Variants in ARMH3 observed in about 807,000 individuals in gnomAD.
The protein encoded by ARMH3 is armadillo like helical domain containing 3.
A neutral mutation model predicts 99.1 loss-of-function variants in ARMH3; 60 were observed. The ratio of observed to expected loss-of-function variants is 0.61; its 90% CI spans 0.49 to 0.75. The LOEUF (loss-of-function observed/expected upper bound fraction) is 0.75, where lower values mean the gene tolerates loss of function less well. Among genes scored for constraint, ARMH3 ranks in the 30% least tolerant of loss-of-function variants. The pLI is 0.00. For missense variants in ARMH3, 679 were observed against 843.1 expected, an observed-to-expected ratio of 0.81 and a Z score of 2.41; for synonymous variants, 285 against 292.8, an observed-to-expected ratio of 0.97 and a Z score of 0.27.
chr10:101,873,145 T>A (rs2135375287), intron 24 of ARMH3, among the ~76,000 whole-genome samples: 1 of 151,686 alleles, frequency 6.6e-6, no homozygotes, highest in South Asian at 2.1e-4. Context: ...GGCTCACGTC[T>A]GTAATCCCAG....
chr10:101,877,217 T>C (rs1458166826), intron 24 of ARMH3, among the ~76,000 whole-genome samples: 4 of 152,114 alleles, frequency 2.6e-5, no homozygotes, highest in South Asian at 2.1e-4. Flanking sequence ...GCAGGAGGAC[T>C]GCTTGAGTCC....
At chr10:101,925,038 G>A (rs1428041954) in intron 23 of ARMH3, among the ~76,000 whole-genome samples, 1 of 152,034 alleles carries the variant, frequency 6.6e-6, no homozygotes, top group African/African-American at 2.4e-5. Flanking sequence ...AAAATAAAAA[G>A]CAGCACCACA....
chr10:101,847,724 A>G lies in ARMH3; in HGVS notation c.1978-104T>C, dbSNP rs550002607. ...GACAGTGCCTGCTACACGGGGCACT[A>G]GAAGTCTCTCTCTTAGGAAATGAAC... On this transcript the variant is annotated intron_variant, in intron 25 of 25. Coordinates refer to ENST00000370033, the MANE Select transcript of ARMH3 (RefSeq NM_024541.3). 57 of 1,003,640 alleles carry G rather than the reference A, an allele frequency of 5.7e-5. 1 individual carries two copies. In the South Asian group the frequency reaches 6.7e-4, roughly 12 times the overall value. The allele number at this position is 1,003,640 out of a possible 1,614,324, so 62.2% of individuals were successfully genotyped here. A position where few individuals can be genotyped will look rare whatever the true frequency, so the allele number is the denominator to read the frequency against.
chr10:101,904,260 G>A (rs187797882), intron 23 of ARMH3, among the ~76,000 whole-genome samples: 103 of 152,288 alleles, frequency 6.8e-4, no homozygotes, highest in African/African-American at 2.5e-3. Flanking sequence ...CGAAGAGCCT[G>A]AGCAAACACC....
At chr10:101,852,630 T>G (rs956793886) in intron 24 of ARMH3, among the ~76,000 whole-genome samples, 1 of 151,878 alleles carries the variant, frequency 6.6e-6, no homozygotes, top group African/African-American at 2.4e-5. Flanking sequence ...GCACCTATAA[T>G]CCCAGCAACT....
intron 24 of ARMH3, among the ~76,000 whole-genome samples, chr10:101,868,410 T>C (rs1161655065): frequency 6.6e-6 from 1 of 152,300 alleles, no homozygotes; most frequent in Non-Finnish European, 1.5e-5. Context: ...TATAGCAACA[T>C]TTTTCAGAGA....
chr10:101,858,005 T>C (rs1489621534), intron 24 of ARMH3, among the ~76,000 whole-genome samples: 3 of 152,250 alleles, frequency 2.0e-5, no homozygotes, highest in Non-Finnish European at 2.9e-5. Flanking sequence ...CTTGATGGCA[T>C]TGTAACAATT....
chr10:101,942,486 G>C (rs1474020964), intron 22 of ARMH3, among the ~76,000 whole-genome samples: 1 of 152,150 alleles, frequency 6.6e-6, no homozygotes, highest in Admixed American at 6.5e-5. Context: ...TTATGGTTCT[G>C]GGTAGCTTCT....
chr10:101,860,333 T>C (rs1213478332), intron 24 of ARMH3, among the ~76,000 whole-genome samples: 1 of 152,110 alleles, frequency 6.6e-6, no homozygotes, highest in African/African-American at 2.4e-5. Flanking sequence ...AAAAATTCAG[T>C]TGGGCAACTC....
chr10:101,927,411 A>G (rs2135642670), intron 23 of ARMH3, among the ~76,000 whole-genome samples: 1 of 152,308 alleles, frequency 6.6e-6, no homozygotes, highest in Admixed American at 6.5e-5. Context: ...AAGAGCTATA[A>G]TATTCTGCAG....
intron 17 of ARMH3, among the ~76,000 whole-genome samples, chr10:101,993,086 C>T (rs1021678505): frequency 6.6e-6 from 1 of 151,850 alleles, no homozygotes; most frequent in East Asian, 1.9e-4. Context: ...GCCTGGCCAA[C>T]GTGGTGAAAC....
chr10:101,894,830 G>T (rs2067781171), intron 23 of ARMH3, among the ~76,000 whole-genome samples: 1 of 143,704 alleles, frequency 7.0e-6, no homozygotes, highest in Non-Finnish European at 1.5e-5. Context: ...CCAGAATCAT[G>T]CCACTTCACT....
chr10:101,971,589 G>A (rs1436364617), intron 20 of ARMH3, among the ~76,000 whole-genome samples: 1 of 152,044 alleles, frequency 6.6e-6, no homozygotes, highest in Non-Finnish European at 1.5e-5. Flanking sequence ...AATTTACCTA[G>A]ATACTAAGAT....
intron 23 of ARMH3, among the ~76,000 whole-genome samples, chr10:101,926,944 G>C (rs1452667374): frequency 6.6e-6 from 1 of 152,140 alleles, no homozygotes; most frequent in Non-Finnish European, 1.5e-5. Context: ...ATAGGGTTTG[G>C]ATTGGTATAT....
rs548794808 is a variant in ARMH3 at position 101,923,062 on chromosome 10, T to C, written c.1781+16801A>G. Among the ~76,000 whole-genome samples the C allele has an allele frequency of 3.9e-5, 6 of 152,272 alleles. No homozygotes were observed. The East Asian group carries it at 1.2e-3, about 29-fold the overall frequency. ...AACCAATTAGAAAAAAAAACTCTCA[T>C]TAAACCTCTTACAACAGGAGCCCAC... On this transcript the variant is annotated intron_variant, in intron 23 of 25. Coordinates refer to ENST00000370033, the MANE Select transcript of ARMH3 (RefSeq NM_024541.3).
intron 14 of ARMH3, among the ~76,000 whole-genome samples, chr10:102,003,781 C>A (rs2066421548): frequency 6.6e-6 from 1 of 152,180 alleles, no homozygotes; most frequent in South Asian, 2.1e-4. Flanking sequence ...ACAGCAAGCA[C>A]AACAAAAAGC....
rs1050132905 is a variant in ARMH3 at position 101,882,532 on chromosome 10, C to G, written c.1860+6880G>C. Among the ~76,000 whole-genome samples the G allele has an allele frequency of 3.9e-4, 60 of 152,204 alleles. 1 individual carries two copies. The highest frequency in any genetic ancestry group is 1.4e-3 in the African/African-American group (59 of 41,450). The stretch of plus-strand genomic sequence containing the variant: ...CACCCAACACTGAGATGGAGTCTTG[C>G]TCTGTCGCCCAGGCTGGAGTGCAGT... On this transcript the variant is annotated intron_variant, in intron 24 of 25. Coordinates refer to ENST00000370033, the MANE Select transcript of ARMH3 (RefSeq NM_024541.3).
At chr10:101,984,323 C>A (rs566610834) in intron 19 of ARMH3, among the ~76,000 whole-genome samples, 16 of 152,200 alleles carry the variant, frequency 1.1e-4, no homozygotes, top group Admixed American at 4.6e-4. Context: ...TTAATGATGC[C>A]CTTGTTTGAG....
chr10:102,012,604 CCTAA>C (rs1292789083), intron 10 of ARMH3, among the ~76,000 whole-genome samples: 1 of 152,162 alleles, frequency 6.6e-6, no homozygotes. Flanking sequence ...AAGGAATGTG[CCTAA>C]CTGCCTAAAG....
Sources: allele counts gnomAD v4.1 joint callset (sites outside exome capture counted in the v4.1 genomes callset), GRCh38; gene constraint gnomAD v4.1.1; transcripts MANE v1.5; gene names NCBI Gene and HGNC (gene_info 2026-07-23, HGNC 2026-07-21).